ALCAM: variants seen among roughly 807,000 people sequenced by gnomAD.
ALCAM encodes the protein activated leukocyte cell adhesion molecule, also known as CD166 antigen.
In ALCAM, 30 loss-of-function variants were observed where a neutral mutation model predicts 70.9. That is an observed-to-expected ratio of 0.42 (90% CI 0.32 to 0.57). ALCAM has a LOEUF of 0.57. Ranked by LOEUF, ALCAM falls within the 20% of genes least tolerant of loss-of-function variation. The pLI is 0.11. For missense variants in ALCAM, 591 were observed against 695.1 expected (o/e 0.85, Z 1.68); for synonymous variants, 249 against 242.5 (o/e 1.03, Z -0.25).
chr3:105,545,011 T>C (rs1238032082), intron 8 of ALCAM: 9 of 477,152 alleles, frequency 1.9e-5, no homozygotes, highest in South Asian at 4.0e-5. Context: ...ATCAATTAGA[T>C]TGACCACTCT....
At chr3:105,572,478 G>A (rs565013081) in intron 15 of ALCAM, among the ~76,000 whole-genome samples, 5 of 152,186 alleles carry the variant, frequency 3.3e-5, no homozygotes, top group South Asian at 2.1e-4. Context: ...TAATCCAGTC[G>A]ATCACTGATG....
chr3:105,468,082 A>C (rs556335598), intron 1 of ALCAM, among the ~76,000 whole-genome samples: 1 of 151,380 alleles, frequency 6.6e-6, no homozygotes, highest in East Asian at 1.9e-4. Context: ...TTATAATATC[A>C]TGTGCTAATG....
chr3:105,530,706 A>C (rs554416229), intron 3 of ALCAM, among the ~76,000 whole-genome samples: 1 of 152,038 alleles, frequency 6.6e-6, no homozygotes, highest in East Asian at 1.9e-4. Flanking sequence ...GCATGAGTTC[A>C]ACACATGGGA....
At position 105,545,311 on chromosome 3, in the gene ALCAM, G is replaced by T. The variant is rs139344282; in HGVS notation, c.1080G>T (p.Arg360Ser). 4.3e-3 allele frequency: 6,968 copies of T among 1,607,990 alleles called. 16 individuals are homozygous for T. Among genetic ancestry groups the T allele is most frequent in the Non-Finnish European group, 5.1e-3 (6,051 of 1,175,462 alleles). The change falls in exon 9 of 16, where the codon AGG becomes AGT. Residue 360 changes from arginine (R) to serine (S), a missense_variant. Physicochemically the swap from Arg to Ser is moderately radical, Grantham distance 110. Coordinates refer to ENST00000306107, the MANE Select transcript of ALCAM (RefSeq NM_001627.4). ...LPVSCTISAS[R>S]NATVVWMKDN... ...TGTCATGCACAATATCTGCTAGCAG[G>T]AATGCAACTGTGGTATGGATGAAAG... is the stretch of plus-strand genomic sequence containing the variant.
In ALCAM at chr3:105,505,474, C is replaced by A. The variant is rs145863173; in HGVS notation, c.74-14593C>A. ...CATAATCCAGTCACCTCCTACCAGG[C>A]CCCTCTTCCAGCATTGGGGATTATA... is the stretch of plus-strand genomic sequence containing the variant. On this transcript the variant is annotated intron_variant, in intron 1 of 15. Transcript: ENST00000306107. Among the ~76,000 whole-genome samples, 1,342 of 152,236 alleles carry A rather than the reference C, an allele frequency of 8.8e-3. 20 individuals are homozygous for A. Among genetic ancestry groups the A allele is most frequent in the Middle Eastern group, 0.014 (4 of 294 alleles).
At chr3:105,367,603 C>T (rs1040258760) in intron 1 of ALCAM, 122 bp downstream of exon 1, 1 of 1,148,726 alleles carries the variant, frequency 8.7e-7, no homozygotes, top group Non-Finnish European at 1.3e-6. Flanking sequence ...GTAAGGGGAC[C>T]GCTGTCCTGG....
In ALCAM at chr3:105,543,714, A is replaced by G. The variant is rs146606361; in HGVS notation, c.992-1509A>G. On this transcript the variant is annotated intron_variant, in intron 8 of 15. Transcript: ENST00000306107. ...TTCATCAGAGCTTTCAAAGTCCATC[A>G]TTGTCCTGTAAAATTGTTTATCTCC... Among the ~76,000 whole-genome samples the G allele has an allele frequency of 8.1e-3, 1,233 of 151,694 alleles. 15 individuals carry two copies. The highest frequency in any genetic ancestry group is 0.028 in the African/African-American group (1,158 of 41,446).
intron 1 of ALCAM, among the ~76,000 whole-genome samples, chr3:105,387,730 G>A (rs908183878): frequency 6.6e-6 from 1 of 151,432 alleles, no homozygotes; most frequent in Non-Finnish European, 1.5e-5. Context: ...GTGGCAGAGG[G>A]ATATGAAAGG....
At chr3:105,573,956 G>A (rs1940910480) in intron 15 of ALCAM, among the ~76,000 whole-genome samples, 1 of 152,164 alleles carries the variant, frequency 6.6e-6, no homozygotes, top group Non-Finnish European at 1.5e-5. Context: ...AACTGATGGG[G>A]TGAAAGGAAT....
intron 1 of ALCAM, among the ~76,000 whole-genome samples, chr3:105,493,308 G>T (rs1426375917): frequency 6.6e-6 from 1 of 152,070 alleles, no homozygotes; most frequent in Non-Finnish European, 1.5e-5. Flanking sequence ...AGTAATGATG[G>T]TGATAATAAT....
intron 1 of ALCAM, among the ~76,000 whole-genome samples, chr3:105,483,584 G>A (rs1938336141): frequency 1.3e-5 from 2 of 152,098 alleles, no homozygotes; most frequent in Non-Finnish European, 2.9e-5. Flanking sequence ...GAAACATCCA[G>A]GTGAAAAAGA....
intron 1 of ALCAM, among the ~76,000 whole-genome samples, chr3:105,466,116 T>G (rs1230503030): frequency 6.6e-6 from 1 of 151,484 alleles, no homozygotes; most frequent in East Asian, 1.9e-4. Context: ...GGCCCTTAAG[T>G]GCTAGCTCAA....
Position 105,419,607 on chromosome 3 carries a change from T to G in ALCAM, c.73+52126T>G, listed in dbSNP as rs186790904. On this transcript the variant is annotated intron_variant, in intron 1 of 15. Transcript: ENST00000306107. ...TCCAGGGACAAAGAAGGAAAATGAA[T>G]ATAAAGAGCAAAATTTTGTTAAGCC... is the stretch of plus-strand genomic sequence containing the variant. Among the ~76,000 whole-genome samples, 160 of 151,754 alleles carry G rather than the reference T, an allele frequency of 1.1e-3. 1 individual carries two copies. The highest frequency in any genetic ancestry group is 3.4e-3 in the Admixed American group (51 of 15,172).
At position 105,526,840 on chromosome 3, in the gene ALCAM, CA is replaced by C. The variant is rs1472133096; in HGVS notation, c.394+2334del. Among the ~76,000 whole-genome samples, 3 of 152,140 alleles carry C rather than the reference CA, an allele frequency of 2.0e-5. No individual in the cohort carries two copies. The East Asian group carries it at 5.8e-4, about 29-fold the overall frequency. ...GTCACTTAAGAGTTACTAAGCCCAT[CA>C]ATCAGTCCTCTGTTTCCCTCTGTTG... is the stretch of plus-strand genomic sequence containing the variant. On this transcript the variant is annotated intron_variant, in intron 3 of 15. Transcript: ENST00000306107.
chr3:105,569,722 G>A (rs1403611759), intron 14 of ALCAM, among the ~76,000 whole-genome samples: 3 of 152,108 alleles, frequency 2.0e-5, no homozygotes, highest in Non-Finnish European at 4.4e-5. Flanking sequence ...AATAAAACAT[G>A]GCTATTATTC....
intron 14 of ALCAM, among the ~76,000 whole-genome samples, chr3:105,567,496 C>T (rs1280765261): frequency 3.9e-5 from 6 of 151,946 alleles, no homozygotes; most frequent in Non-Finnish European, 7.4e-5. Flanking sequence ...TTCTTTCTCT[C>T]TGTTTTCCAG....
intron 1 of ALCAM, among the ~76,000 whole-genome samples, chr3:105,411,489 A>G (rs1936390252): frequency 6.6e-6 from 1 of 152,110 alleles, no homozygotes; most frequent in Non-Finnish European, 1.5e-5. Context: ...TAACAATGGC[A>G]TCAGGAGCAT....
At chr3:105,368,223 A>AGAGAGAGAGAGAGAGAG (rs376082543) in intron 1 of ALCAM, among the ~76,000 whole-genome samples, 1 of 67,790 alleles carries the variant, frequency 1.5e-5, no homozygotes. Context: ...TGAGTCTTGG[A>AGAGAGAGAGAGAGAGAG]AGAGAGAGAG....
chr3:105,525,033 A>G, intron 3 of ALCAM: 1 of 883,064 alleles, frequency 1.1e-6, no homozygotes, highest in Non-Finnish European at 1.4e-6. Flanking sequence ...ATATATCCAC[A>G]TACAAATATT....
Sources: allele counts gnomAD v4.1 joint callset (sites outside exome capture counted in the v4.1 genomes callset), GRCh38; gene constraint gnomAD v4.1.1; transcripts MANE v1.5; gene names NCBI Gene and HGNC (gene_info 2026-07-23, HGNC 2026-07-21).